The following PTPRD variants were observed in gnomAD, a reference collection of about 807,000 sequenced individuals.
The protein encoded by PTPRD is protein tyrosine phosphatase receptor type D.
In PTPRD, 34 loss-of-function variants were observed where a neutral mutation model predicts 214.5. The ratio of observed to expected loss-of-function variants is 0.16; its 90% CI spans 0.12 to 0.21. The LOEUF (loss-of-function observed/expected upper bound fraction) is 0.21. Among genes scored for constraint, PTPRD ranks in the 10% least tolerant of loss-of-function variants. The pLI is 1.00. For synonymous variants in PTPRD, 1,128 were observed against 845.7 expected (o/e 1.33, Z -5.79); for missense variants, 2,545 against 2,398.7 (o/e 1.06, Z -1.27).
chr9:10,469,400 G>A (rs1423663955), intron 2 of PTPRD, among the ~76,000 whole-genome samples: 1 of 152,132 alleles, frequency 6.6e-6, no homozygotes, highest in Non-Finnish European at 1.5e-5. Context: ...TGAAAGATGT[G>A]CAGAAGCAGA....
chr9:10,469,984 G>C (rs965699427), intron 2 of PTPRD, among the ~76,000 whole-genome samples: 1 of 151,946 alleles, frequency 6.6e-6, no homozygotes, highest in Non-Finnish European at 1.5e-5. Context: ...CAATAGACTG[G>C]TGTTACCAGA....
intron 8 of PTPRD, among the ~76,000 whole-genome samples, chr9:9,421,250 T>G (rs2078697024): frequency 6.6e-6 from 1 of 150,818 alleles, no homozygotes; most frequent in Admixed American, 6.6e-5. Context: ...TTCTAAAAAG[T>G]CCCTAAGTAG....
At chr9:8,940,271 C>CCTTTTTT (rs2099023301) in intron 11 of PTPRD, among the ~76,000 whole-genome samples, 1 of 74,880 alleles carries the variant, frequency 1.3e-5, no homozygotes. Flanking sequence ...ATCTCTCTCT[C>CCTTTTTT]TCTCTCTCCT....
chr9:10,383,500 C>G (rs1300098318), intron 2 of PTPRD, among the ~76,000 whole-genome samples: 1 of 151,794 alleles, frequency 6.6e-6, no homozygotes. Flanking sequence ...TGTTTTACTT[C>G]AAATGGAAAG....
rs564629204 is a variant in PTPRD at position 9,252,617 on chromosome 9, G to A, written c.-202-69254C>T. 2.6e-4 allele frequency among the ~76,000 whole-genome samples: 39 copies of A among 152,142 alleles called. 1 individual carries two copies. The South Asian group carries it at 3.7e-3, about 15-fold the overall frequency. ...TTGCCTCAGCCTCCCAAGTAGCTAG[G>A]ACTGCAGGTGCATACCACATGTCTG... On this transcript the variant is annotated intron_variant, in intron 9 of 45. Coordinates refer to ENST00000381196, the MANE Select transcript of PTPRD (RefSeq NM_002839.4).
chr9:8,562,025 T>A (rs1445198156), intron 14 of PTPRD, among the ~76,000 whole-genome samples: 1 of 152,176 alleles, frequency 6.6e-6, no homozygotes, highest in Non-Finnish European at 1.5e-5. Context: ...AAACTGGGAA[T>A]AACCTAATAT....
intron 10 of PTPRD, among the ~76,000 whole-genome samples, chr9:9,180,649 CT>C (rs1177733623): frequency 3.3e-5 from 5 of 151,984 alleles, no homozygotes; most frequent in Non-Finnish European, 7.4e-5. Context: ...ACATTCAGGA[CT>C]GATGTATAAC....
At chr9:10,545,644 C>T (rs1228313796) in intron 2 of PTPRD, among the ~76,000 whole-genome samples, 1 of 152,044 alleles carries the variant, frequency 6.6e-6, no homozygotes, top group Non-Finnish European at 1.5e-5. Context: ...GAGAAACTTG[C>T]ACAAATTAGT....
At chr9:10,602,627 C>T (rs929439975) in intron 2 of PTPRD, among the ~76,000 whole-genome samples, 3 of 151,624 alleles carry the variant, frequency 2.0e-5, no homozygotes, top group Non-Finnish European at 2.9e-5. Context: ...AAATTTAATA[C>T]AATGTGACGC....
At position 8,315,179 on chromosome 9, in the gene PTPRD, G is replaced by C. The variant is rs1821009482; in HGVS notation, c.*2695C>G. The C allele has an allele frequency of 3.4e-5, 8 of 232,790 alleles. No homozygotes were observed. In the East Asian group the frequency reaches 4.8e-4, roughly 14 times the overall value. 14.4% of individuals were successfully genotyped at this position (232,790 alleles called of 1,614,324 possible). A position where few individuals can be genotyped will look rare whatever the true frequency, so the allele number is the denominator to read the frequency against. Reference sequence around the variant, plus strand: ...TGGTTGTACAGAAAAGCACAGAGTGGAATGCACATCAATGACAGTAAGGGA... The same window carrying C: ...TGGTTGTACAGAAAAGCACAGAGTGCAATGCACATCAATGACAGTAAGGGA... On this transcript the variant is annotated 3_prime_UTR_variant, in exon 46 of 46. Coordinates refer to ENST00000381196, the MANE Select transcript of PTPRD (RefSeq NM_002839.4).
In PTPRD at chr9:8,552,154, G is replaced by C. The variant is rs370228955; in HGVS notation, c.353-23375C>G. ...CCTCCTTGCACGGTTTCTAACAGAA[G>C]ACAGAACTGACCTATTACCAATAAC... On this transcript the variant is annotated intron_variant, in intron 14 of 45. Transcript: ENST00000381196. Among the ~76,000 whole-genome samples, 493 of 152,174 alleles carry C rather than the reference G, an allele frequency of 3.2e-3. 27 individuals are homozygous for C. In the South Asian group the frequency reaches 0.095, roughly 29 times the overall value.
chr9:9,362,342 T>G (rs2056468926), intron 9 of PTPRD, among the ~76,000 whole-genome samples: 1 of 151,086 alleles, frequency 6.6e-6, no homozygotes, highest in African/African-American at 2.4e-5. Context: ...ATTGGGATCC[T>G]AGGAAACATA....
intron 14 of PTPRD, among the ~76,000 whole-genome samples, chr9:8,623,987 A>G (rs909885941): frequency 6.6e-6 from 1 of 151,942 alleles, no homozygotes; most frequent in Admixed American, 6.6e-5. Flanking sequence ...GCTTCTTCTA[A>G]AATATATCTA....
intron 7 of PTPRD, among the ~76,000 whole-genome samples, chr9:9,609,848 G>C (rs12352166): frequency 6.6e-6 from 1 of 152,148 alleles, no homozygotes; most frequent in Non-Finnish European, 1.5e-5. Context: ...TCAATTCAGC[G>C]TGTAAAAAAC....
chr9:9,249,886 T>G (rs1456053262), intron 9 of PTPRD, among the ~76,000 whole-genome samples: 3 of 152,086 alleles, frequency 2.0e-5, no homozygotes, highest in African/African-American at 7.2e-5. Context: ...GGTAATGAAT[T>G]ATAGTTCTTT....
In PTPRD at chr9:8,610,403, T is replaced by C. The variant is rs181029620; in HGVS notation, c.352+22914A>G. 7.9e-5 allele frequency among the ~76,000 whole-genome samples: 12 copies of C among 152,304 alleles called. No individual in the cohort carries two copies. In the East Asian group the frequency reaches 1.9e-3, roughly 24 times the overall value. The stretch of plus-strand genomic sequence containing the variant: ...CCTAGGGTTTTTGTTCAACATTACA[T>C]TGCTAGTTAGTGTCGATTCTGGGAT... On this transcript the variant is annotated intron_variant, in intron 14 of 45. Coordinates refer to ENST00000381196, the MANE Select transcript of PTPRD (RefSeq NM_002839.4).
At chr9:8,744,804 A>C (rs1488475988) in intron 11 of PTPRD, among the ~76,000 whole-genome samples, 1 of 152,234 alleles carries the variant, frequency 6.6e-6, no homozygotes. Context: ...TGAAATAAAA[A>C]ATAAATTTTA....
At chr9:8,638,907 A>G (rs1256759415) in intron 12 of PTPRD, among the ~76,000 whole-genome samples, 1 of 152,134 alleles carries the variant, frequency 6.6e-6, no homozygotes, top group African/African-American at 2.4e-5. Flanking sequence ...CAGTGGCACA[A>G]TCTCGACTCA....
intron 39 of PTPRD, among the ~76,000 whole-genome samples, chr9:8,363,706 G>C (rs1588709767): frequency 6.6e-6 from 1 of 152,108 alleles, no homozygotes; most frequent in African/African-American, 2.4e-5. Flanking sequence ...TGTCCTATTG[G>C]GGCTCAAAAG....
Sources: allele counts gnomAD v4.1 joint callset (sites outside exome capture counted in the v4.1 genomes callset), GRCh38; gene constraint gnomAD v4.1.1; transcripts MANE v1.5; gene names NCBI Gene and HGNC (gene_info 2026-07-23, HGNC 2026-07-21).